UGT1A10: variants seen among roughly 807,000 people sequenced by gnomAD.
The protein encoded by UGT1A10 is UDP glucuronosyltransferase family 1 member A10.
A neutral mutation model predicts 45.8 loss-of-function variants in UGT1A10; 49 were observed. That is an observed-to-expected ratio of 1.07 (90% CI 0.85 to 1.36). The LOEUF is 1.36. UGT1A10 is among the 40% of genes most tolerant of loss of function. The pLI, the probability that UGT1A10 is intolerant of heterozygous loss-of-function variation, is 0.00. For missense variants in UGT1A10, 745 were observed against 668.6 expected, an observed-to-expected ratio of 1.11 and a Z score of -1.26; for synonymous variants, 284 against 249.7, an observed-to-expected ratio of 1.14 and a Z score of -1.29.
intron 1 of UGT1A10, among the ~76,000 whole-genome samples, chr2:233,757,055 C>T (rs1475700124): frequency 1.3e-5 from 2 of 151,398 alleles, no homozygotes; most frequent in African/African-American, 2.4e-5. Flanking sequence ...GTTTGGGGAA[C>T]AGCAAGGGAT....
chr2:233,721,547 C>A, intron 1 of UGT1A10: 1 of 164,174 alleles, frequency 6.1e-6, no homozygotes. Flanking sequence ...TAAATTTTTT[C>A]TTCAGTTTCT....
At chr2:233,709,103 C>A (rs1294540845) in intron 1 of UGT1A10, among the ~76,000 whole-genome samples, 1 of 152,082 alleles carries the variant, frequency 6.6e-6, no homozygotes, top group African/African-American at 2.4e-5. Flanking sequence ...GTCACATGCC[C>A]ATCTCTGAAC....
chr2:233,690,110 CAT>C lies in UGT1A10; in HGVS notation c.855+52736_855+52737del, dbSNP rs575670687. ...TAAATTGCTCCTGCATCTTATGTCA[CAT>C]ATGTCTTTGTAACTTGGTGAGCTAA... On this transcript the variant is annotated intron_variant, in intron 1 of 4. Coordinates refer to ENST00000344644, the MANE Select transcript of UGT1A10 (RefSeq NM_019075.4). 4.1e-3 allele frequency among the ~76,000 whole-genome samples: 622 copies of C among 152,324 alleles called. 1 individual carries two copies. Among genetic ancestry groups the C allele is most frequent in the Middle Eastern group, 0.01 (3 of 294 alleles).
At chr2:233,667,130 A>G (rs2074096073) in intron 1 of UGT1A10, among the ~76,000 whole-genome samples, 1 of 152,188 alleles carries the variant, frequency 6.6e-6, no homozygotes, top group Admixed American at 6.5e-5. Context: ...GTGTCTTTAT[A>G]GCAGCATGTT....
intron 1 of UGT1A10, among the ~76,000 whole-genome samples, chr2:233,758,095 C>A (rs1037336650): frequency 2.0e-5 from 3 of 152,150 alleles, no homozygotes; most frequent in Non-Finnish European, 2.9e-5. Context: ...ATAGTGACTG[C>A]CATCCAGTAG....
At chr2:233,640,392 T>G (rs2073419748) in intron 1 of UGT1A10, among the ~76,000 whole-genome samples, 1 of 152,112 alleles carries the variant, frequency 6.6e-6, no homozygotes, top group African/African-American at 2.4e-5. Context: ...AATATTTTAT[T>G]AAATATAAAA....
intron 1 of UGT1A10, among the ~76,000 whole-genome samples, chr2:233,749,118 C>G (rs1694113620): frequency 6.6e-6 from 1 of 151,770 alleles, no homozygotes; most frequent in Non-Finnish European, 1.5e-5. Context: ...CTTTTTATGT[C>G]ATATTCACTG....
intron 1 of UGT1A10, among the ~76,000 whole-genome samples, chr2:233,724,320 G>T (rs1387925983): frequency 6.8e-6 from 1 of 147,864 alleles, no homozygotes; most frequent in Non-Finnish European, 1.5e-5. Flanking sequence ...GGACGGGGCG[G>T]CTGGCCAGGC....
chr2:233,709,725 T>C (rs941884651), intron 1 of UGT1A10, among the ~76,000 whole-genome samples: 1 of 152,208 alleles, frequency 6.6e-6, no homozygotes, highest in Non-Finnish European at 1.5e-5. Context: ...TGATATGTTT[T>C]CAATTGATAC....
At chr2:233,759,288 G>A (rs1441627679) in intron 1 of UGT1A10, among the ~76,000 whole-genome samples, 1 of 152,182 alleles carries the variant, frequency 6.6e-6, no homozygotes, top group African/African-American at 2.4e-5. Context: ...GGTTGATGAA[G>A]CTGAGCCCTG....
In UGT1A10 at chr2:233,636,899, G is replaced by C. The variant is rs766150415; in HGVS notation, c.377G>C (p.Ser126Thr). Residue 126 changes from serine to threonine, a missense_variant, in exon 1 of 5, where the codon AGT becomes ACT. By Grantham distance (58) the Ser-to-Thr change is moderately conservative (BLOSUM62 1). Transcript: ENST00000344644. Reference protein sequence around the residue: ...FLDLFFSHCRSLFNDRKLVEY... With the variant: ...FLDLFFSHCRTLFNDRKLVEY... ...GACTTATTTTTTTCGCATTGCAGGAGTTTGTTTAATGACCGAAAATTAGTA... is the reference window on the plus strand; with the variant it reads ...GACTTATTTTTTTCGCATTGCAGGACTTTGTTTAATGACCGAAAATTAGTA... The C allele has an allele frequency of 2.5e-6, 4 of 1,614,010 alleles. No individual in the cohort carries two copies. The highest frequency in any genetic ancestry group is 3.4e-6 in the Non-Finnish European group (4 of 1,180,030).
chr2:233,698,768 A>C (rs2075461107), intron 1 of UGT1A10, among the ~76,000 whole-genome samples: 1 of 152,254 alleles, frequency 6.6e-6, no homozygotes, highest in African/African-American at 2.4e-5. Context: ...TCAGAAAGAA[A>C]GAGTATCCTT....
intron 1 of UGT1A10, among the ~76,000 whole-genome samples, chr2:233,678,209 C>A (rs1243440589): frequency 3.3e-5 from 5 of 152,196 alleles, no homozygotes; most frequent in African/African-American, 2.4e-5. Context: ...CTATTGGGTA[C>A]TATGCTCAGT....
intron 4 of UGT1A10, among the ~76,000 whole-genome samples, chr2:233,771,925 G>A (rs1269829032): frequency 6.6e-6 from 1 of 151,860 alleles, no homozygotes; most frequent in Non-Finnish European, 1.5e-5. Flanking sequence ...ACACAGCCTG[G>A]GCAACACAAT....
chr2:233,676,462 T>C (rs2074361743), intron 1 of UGT1A10, among the ~76,000 whole-genome samples: 1 of 152,212 alleles, frequency 6.6e-6, no homozygotes, highest in Non-Finnish European at 1.5e-5. Context: ...CCATCACAAC[T>C]CATTCACCAA....
chr2:233,693,845 A>G, intron 1 of UGT1A10: 1 of 1,614,152 alleles, frequency 6.2e-7, no homozygotes, highest in Non-Finnish European at 8.5e-7. Flanking sequence ...CAACTGTAAG[A>G]AGAGGAAAGA....
At chr2:233,656,760 G>T (rs1275263627) in intron 1 of UGT1A10, among the ~76,000 whole-genome samples, 1 of 152,140 alleles carries the variant, frequency 6.6e-6, no homozygotes, top group Non-Finnish European at 1.5e-5. Flanking sequence ...AGTTTTGAAG[G>T]TTTCTTTGGG....
At chr2:233,641,894 G>T (rs1360995716) in intron 1 of UGT1A10, among the ~76,000 whole-genome samples, 1 of 151,980 alleles carries the variant, frequency 6.6e-6, no homozygotes, top group African/African-American at 2.4e-5. Flanking sequence ...GAACTCCATT[G>T]TTTGTTATTT....
intron 1 of UGT1A10, among the ~76,000 whole-genome samples, chr2:233,700,967 G>A (rs1055144639): frequency 1.3e-5 from 2 of 152,032 alleles, no homozygotes; most frequent in Non-Finnish European, 2.9e-5. Context: ...AGAACATGCG[G>A]TGTTTGATTT....
Sources: allele counts gnomAD v4.1 joint callset (sites outside exome capture counted in the v4.1 genomes callset), GRCh38; gene constraint gnomAD v4.1.1; transcripts MANE v1.5; gene names NCBI Gene and HGNC (gene_info 2026-07-23, HGNC 2026-07-21).